Variants in TRPM4 observed in about 807,000 individuals in gnomAD.
TRPM4 encodes transient receptor potential cation channel subfamily M member 4, also known as calcium-activated non-selective cation channel 1.
TRPM4 carries 124 observed loss-of-function variants against 135.6 expected under a neutral mutation model. The observed-to-expected ratio is 0.91, with a 90% confidence interval of 0.79 to 1.06. The LOEUF is 1.06. Ranked by LOEUF, TRPM4 falls within the 50% of genes least tolerant of loss-of-function variation. The pLI is 0.00. For synonymous variants in TRPM4, 745 were observed against 705.6 expected (o/e 1.06, Z -0.88); for missense variants, 1,658 against 1,671.4 (o/e 0.99, Z 0.14).
In TRPM4 at chr19:49,182,246, A is replaced by ATCTG. The variant is rs1469381669; in HGVS notation, c.1264-330_1264-329insTGTC. Among the ~76,000 whole-genome samples, 3,982 of 78,290 alleles carry ATCTG rather than the reference A, an allele frequency of 0.051. 301 individuals carry two copies. Among genetic ancestry groups the ATCTG allele is most frequent in the African/African-American group, 0.17 (3,480 of 20,954 alleles). The allele number at this position is 78,290 out of a possible 152,430, so 51.4% of individuals were successfully genotyped here. A position where few individuals can be genotyped will look rare whatever the true frequency, so the allele number is the denominator to read the frequency against. Reference sequence around the variant, plus strand: ...CATCCATCCATCCATCTATCCATCCATCCATCTGTCCATCCATTCATCTGT... The same window carrying ATCTG: ...CATCCATCCATCCATCTATCCATCCATCTGTCCATCTGTCCATCCATTCATCTGT... On this transcript the variant is annotated intron_variant, in intron 10 of 24. Coordinates refer to ENST00000252826, the MANE Select transcript of TRPM4 (RefSeq NM_017636.4).
intron 20 of TRPM4, among the ~76,000 whole-genome samples, chr19:49,209,419 C>G (rs59367106): frequency 0.062 from 9,368 of 152,076 alleles, 868 homozygotes; most frequent in African/African-American, 0.2. Flanking sequence ...TTTATTGAAA[C>G]GTTTTTGATT....
In TRPM4 at chr19:49,192,834, G is replaced by A. The variant is rs529416866; in HGVS notation, c.2210+2061G>A. ...ATGTACCTCTGAACTAAAAATAAAC[G>A]TCAAAAAATAAAAAAAAGAACAAAA... is the stretch of plus-strand genomic sequence containing the variant. On this transcript the variant is annotated intron_variant, in intron 16 of 24. Coordinates refer to ENST00000252826, the MANE Select transcript of TRPM4 (RefSeq NM_017636.4). 5.3e-5 allele frequency among the ~76,000 whole-genome samples: 8 copies of A among 151,484 alleles called. No homozygotes were observed. In the South Asian group the frequency reaches 8.4e-4, roughly 16 times the overall value.
rs1232785802 is a variant in TRPM4, at chr19:49,211,215, T to A, written c.3586T>A (p.Ser1196Thr). The change falls in exon 24 of 25, where the codon TCT (serine) becomes ACT (threonine). Residue 1196 changes from serine (S) to threonine (T), a missense_variant. By Grantham distance (58) the Ser-to-Thr change is moderately conservative (BLOSUM62 1). Transcript: ENST00000252826. The surrounding 1 kb of genome is among the most constrained non-coding windows in gnomAD (Gnocchi z 4.8). ...LGWVAEALSR[S>T]ALLPPGGPPP... ...GTGGGTGGCCGAGGCCCTGAGCCGC[T>A]CTGCCTTGCTGCCCCCAGGTGGGCC... 2 of 1,599,130 alleles carry A rather than the reference T, an allele frequency of 1.3e-6. No individual in the cohort carries two copies. Among genetic ancestry groups the A allele is most frequent in the Non-Finnish European group, 1.7e-6 (2 of 1,173,494 alleles).
At position 49,203,413 on chromosome 19, in the gene TRPM4, T is replaced by TCA. The variant is rs527285412; in HGVS notation, c.3131+1272_3131+1273insCA. Among the ~76,000 whole-genome samples the TCA allele has an allele frequency of 1.9e-4, 29 of 152,196 alleles. No individual in the cohort carries two copies. The South Asian group carries it at 5.6e-3, about 29-fold the overall frequency. Reference sequence around the variant, plus strand: ...CCAGGATGGTTTCGATCTCCTGACCTTGTGATCCGCCCGCCTTGGCCTCCC... The same window carrying TCA: ...CCAGGATGGTTTCGATCTCCTGACCTCATGTGATCCGCCCGCCTTGGCCTCCC... On this transcript the variant is annotated intron_variant, in intron 20 of 24. Transcript: ENST00000252826.
intron 16 of TRPM4, among the ~76,000 whole-genome samples, chr19:49,193,404 A>G (rs562008366): frequency 1.8e-4 from 28 of 152,256 alleles, no homozygotes; most frequent in Admixed American, 3.9e-4. Flanking sequence ...TTTAATTCCA[A>G]CAACCCAGTG....
At chr19:49,160,505 GAAA>G (rs1287827669) in intron 2 of TRPM4, among the ~76,000 whole-genome samples, 3 of 150,196 alleles carry the variant, frequency 2.0e-5, no homozygotes, top group Non-Finnish European at 4.4e-5. Context: ...AAAAAAGAAA[GAAA>G]GAAAGAAAAA....
At chr19:49,167,735 T>C in intron 3 of TRPM4, 182 bp from the exon 4 acceptor site, 1 of 595,650 alleles carries the variant, frequency 1.7e-6, no homozygotes. Flanking sequence ...TCCCTCTCTC[T>C]CTGGGTCTCT....
intron 12 of TRPM4, among the ~76,000 whole-genome samples, chr19:49,184,452 C>CTTTTTTTTTTTTTTTTTTTT (rs67748057): frequency 4.4e-5 from 2 of 45,508 alleles, no homozygotes; most frequent in African/African-American, 1.1e-4. Flanking sequence ...TCTCTGTAGT[C>CTTTTTTTTTTTTTTTTTTTT]TTTTTTTTTT....
At chr19:49,195,037 C>A (rs545891642) in intron 16 of TRPM4, among the ~76,000 whole-genome samples, 2 of 151,484 alleles carry the variant, frequency 1.3e-5, no homozygotes, top group Non-Finnish European at 2.9e-5. Flanking sequence ...GCTGGGATTT[C>A]AGGCTTGAGC....
At chr19:49,165,650 C>G (rs1320171965) in intron 2 of TRPM4, among the ~76,000 whole-genome samples, 1 of 152,134 alleles carries the variant, frequency 6.6e-6, no homozygotes, top group South Asian at 2.1e-4. Flanking sequence ...GCGTCAGCCC[C>G]GAGCATGCGG....
At position 49,210,193 on chromosome 19, in the gene TRPM4, C is replaced by T. The variant is rs1354518651; in HGVS notation, c.3132-16C>T. On this transcript the variant is annotated splice_polypyrimidine_tract_variant and intron_variant, in intron 20 of 24. Coordinates refer to ENST00000252826, the MANE Select transcript of TRPM4 (RefSeq NM_017636.4). This position sits in a 1 kb window ranked among gnomAD's most constrained non-coding sequence, Gnocchi z 4.1. ...GGCCCTGACCTCAAGTGACCTTTGA[C>T]CTCTGGCCTTTGCAGTTACACATTC... 1 of 1,614,212 alleles carries T rather than the reference C, an allele frequency of 6.2e-7. No homozygotes were observed. The highest frequency in any genetic ancestry group is 1.3e-5 in the African/African-American group (1 of 75,064).
rs769272338 is a variant in TRPM4 at position 49,166,065 on chromosome 19, C to G, written c.117C>G (p.Arg39=). Residue 39 remains arginine, a synonymous_variant, in exon 3 of 25, where the codon CGC becomes CGG. Transcript: ENST00000252826. ...DPGGTLCQCG[R]PRTAHPAVAM... is the part of the protein sequence containing the mutation. ...GAGGGACCTTGTGCCAGTGTGGGCG[C>G]CCCCGGACCGCCCACCCCGCAGTGG... 10 of 1,599,110 alleles carry G rather than the reference C, an allele frequency of 6.3e-6. No homozygotes were observed. In the East Asian group the frequency reaches 1.8e-4, roughly 29 times the overall value.
chr19:49,196,918 T>G, intron 17 of TRPM4, 44 bp downstream of exon 17: 1 of 1,528,624 alleles, frequency 6.5e-7, no homozygotes, highest in Non-Finnish European at 8.8e-7. Flanking sequence ...TGGCCACCTC[T>G]CATCCTTCCT....
intron 2 of TRPM4, among the ~76,000 whole-genome samples, chr19:49,160,884 C>A (rs1362250417): frequency 6.6e-6 from 1 of 151,284 alleles, no homozygotes; most frequent in African/African-American, 2.4e-5. Flanking sequence ...ACTCAGGGGG[C>A]AGGAAGGCAG....
In TRPM4 at chr19:49,190,200, C is replaced by T. The variant is rs200820404; in HGVS notation, c.2020-8C>T. 34 of 1,612,360 alleles carry T rather than the reference C, an allele frequency of 2.1e-5. No individual in the cohort carries two copies. The African/African-American group carries it at 2.5e-4, about 12-fold the overall frequency. On this transcript the variant is annotated splice_region_variant and splice_polypyrimidine_tract_variant and intron_variant, in intron 14 of 24. Transcript: ENST00000252826. Reference sequence around the variant, plus strand: ...GATTTGGATCCTAATCCTTCCCACCCCCCACAGTCTCTGCTGACACAGAAG... The same window carrying T: ...GATTTGGATCCTAATCCTTCCCACCTCCCACAGTCTCTGCTGACACAGAAG...
At chr19:49,174,551 A>G (rs1967601879) in intron 9 of TRPM4, among the ~76,000 whole-genome samples, 1 of 151,938 alleles carries the variant, frequency 6.6e-6, no homozygotes, top group Admixed American at 6.5e-5. Flanking sequence ...GCTTGAGCCC[A>G]GGAGTTTGAG....
chr19:49,202,881 CTTTTTTT>C (rs752188238), intron 20 of TRPM4, among the ~76,000 whole-genome samples: 1,925 of 109,608 alleles, frequency 0.018, 42 homozygotes, highest in South Asian at 0.053. Flanking sequence ...ATTTTTACTT[CTTTTTTT>C]TTTTTTTTTT....
At chr19:49,166,318 C>A in intron 3 of TRPM4, 103 bp downstream of exon 3, 5 of 1,254,872 alleles carry the variant, frequency 4.0e-6, no homozygotes, top group Non-Finnish European at 5.4e-6. Flanking sequence ...GCCCCTCCGC[C>A]CATCCCTGTC....
At chr19:49,179,498 T>C (rs10406392) in intron 9 of TRPM4, among the ~76,000 whole-genome samples, 52,027 of 151,768 alleles carry the variant, frequency 0.34, 9,287 homozygotes, top group African/African-American at 0.44. Flanking sequence ...TACAGACGCA[T>C]GCCACCATGC....
Sources: allele counts gnomAD v4.1 joint callset (sites outside exome capture counted in the v4.1 genomes callset), GRCh38; gene constraint gnomAD v4.1.1; non-coding constraint Gnocchi (gnomAD v3.1); transcripts MANE v1.5; gene names NCBI Gene and HGNC (gene_info 2026-07-23, HGNC 2026-07-21).